STARD13: variants seen among roughly 807,000 people sequenced by gnomAD.
STARD13 encodes stAR-related lipid transfer protein 13.
STARD13 carries 62 observed loss-of-function variants against 106.4 expected under a neutral mutation model. The ratio of observed to expected loss-of-function variants is 0.58; its 90% confidence interval spans 0.48 to 0.72. STARD13 has a LOEUF of 0.72. Among genes scored for constraint, STARD13 ranks in the 30% least tolerant of loss-of-function variants. The pLI is 0.00. For missense variants in STARD13, 1,387 were observed against 1,424.0 expected, an observed-to-expected ratio of 0.97 and a Z score of 0.42; for synonymous variants, 565 against 553.0, an observed-to-expected ratio of 1.02 and a Z score of -0.31.
the STARD13 span, among the ~76,000 whole-genome samples, chr13:33,610,245 G>A: frequency 6.6e-6 from 1 of 152,078 alleles, no homozygotes; most frequent in Non-Finnish European, 1.5e-5. Context: ...AATTTAAGGA[G>A]GTTCACTCTG....
At chr13:33,362,344 T>C in the STARD13 span, among the ~76,000 whole-genome samples, 6 of 152,168 alleles carry the variant, frequency 3.9e-5, no homozygotes, top group Non-Finnish European at 7.3e-5. Context: ...AAACTATTCA[T>C]GAGTGATCCG....
At chr13:33,386,013 A>G in the STARD13 span, among the ~76,000 whole-genome samples, 1 of 152,272 alleles carries the variant, frequency 6.6e-6, no homozygotes, top group East Asian at 1.9e-4. Context: ...TCATCAATTC[A>G]TTATTTATTC....
intron 1 of STARD13, among the ~76,000 whole-genome samples, chr13:33,310,805 C>T (rs958772920): frequency 3.3e-5 from 5 of 151,930 alleles, no homozygotes; most frequent in Admixed American, 6.6e-5. Flanking sequence ...CATCATTGTG[C>T]GAGCATCACA....
At chr13:33,199,741 C>G (rs999691894) in intron 1 of STARD13, among the ~76,000 whole-genome samples, 1 of 152,094 alleles carries the variant, frequency 6.6e-6, no homozygotes, top group African/African-American at 2.4e-5. Context: ...ATCAGGATGC[C>G]TCAGTGTTAC....
chr13:33,280,702 A>G (rs1891732397), intron 1 of STARD13: 2 of 152,340 alleles, frequency 1.3e-5, no homozygotes, highest in South Asian at 2.1e-4. Flanking sequence ...GGTTTCAAGG[A>G]AGCATGTCCA....
At chr13:33,264,665 AAAG>A (rs2138336971) in intron 1 of STARD13, among the ~76,000 whole-genome samples, 1 of 152,336 alleles carries the variant, frequency 6.6e-6, no homozygotes, top group African/African-American at 2.4e-5. Context: ...GGGAGCCTTC[AAAG>A]AAGAAGGCTC....
the STARD13 span, among the ~76,000 whole-genome samples, chr13:33,464,884 G>A: frequency 6.6e-6 from 1 of 152,230 alleles, no homozygotes; most frequent in South Asian, 2.1e-4. Context: ...TACCACATGA[G>A]GAGGTGTAGT....
chr13:33,557,564 G>A, the STARD13 span, among the ~76,000 whole-genome samples: 3 of 152,102 alleles, frequency 2.0e-5, no homozygotes, highest in Non-Finnish European at 4.4e-5. Context: ...TTTCCTGCAG[G>A]ACAGTAATTG....
the STARD13 span, among the ~76,000 whole-genome samples, chr13:33,472,387 G>C: frequency 6.6e-6 from 1 of 151,712 alleles, no homozygotes; most frequent in South Asian, 2.1e-4. Flanking sequence ...CATATACTGG[G>C]GTTTCTCAGT....
chr13:33,495,996 A>G, the STARD13 span, among the ~76,000 whole-genome samples: 30 of 141,882 alleles, frequency 2.1e-4, no homozygotes, highest in African/African-American at 6.6e-4. Flanking sequence ...TAGTGAATAT[A>G]AATTATTATA....
chr13:33,564,436 TGGTG>T, the STARD13 span, among the ~76,000 whole-genome samples: 1 of 145,726 alleles, frequency 6.9e-6, no homozygotes, highest in Non-Finnish European at 1.5e-5. Context: ...TATGTACTCT[TGGTG>T]GGAATGTAAA....
chr13:33,397,191 C>T, the STARD13 span, among the ~76,000 whole-genome samples: 8 of 152,258 alleles, frequency 5.3e-5, no homozygotes, highest in East Asian at 3.9e-4. Context: ...CATTTCCAGA[C>T]GACTTATAAA....
chr13:33,185,779 G>T, intron 1 of STARD13: 2 of 1,189,004 alleles, frequency 1.7e-6, no homozygotes, highest in South Asian at 1.4e-5. Context: ...TGTCCTTCCA[G>T]ACCACCTGAC....
intron 1 of STARD13, among the ~76,000 whole-genome samples, chr13:33,343,404 A>T (rs2077982043): frequency 6.6e-6 from 1 of 150,850 alleles, no homozygotes; most frequent in Non-Finnish European, 1.5e-5. Flanking sequence ...ACATGAAGAA[A>T]CCCCATCTCT....
At chr13:33,483,984 G>A in the STARD13 span, among the ~76,000 whole-genome samples, 7 of 152,164 alleles carry the variant, frequency 4.6e-5, no homozygotes, top group Admixed American at 2.0e-4. Context: ...TATATAAAGT[G>A]TAAAAATTAT....
rs113920945 is a variant in STARD13 at position 33,272,324 on chromosome 13, G to A, written c.169+13146C>T. On this transcript the variant is annotated intron_variant, in intron 1 of 13. Coordinates refer to ENST00000336934, the MANE Select transcript of STARD13 (RefSeq NM_178006.4). ...AATGGGCATTTCCTTTCAGTGTCAC[G>A]TCAGTGCTCAAGAAGTTTCAGATTC... 1.6e-3 allele frequency among the ~76,000 whole-genome samples: 244 copies of A among 152,242 alleles called. 2 individuals carry two copies. Among genetic ancestry groups the A allele is most frequent in the African/African-American group, 5.5e-3 (229 of 41,544 alleles).
chr13:33,476,264 T>G, the STARD13 span, among the ~76,000 whole-genome samples: 1 of 152,202 alleles, frequency 6.6e-6, no homozygotes, highest in African/African-American at 2.4e-5. Flanking sequence ...TTAGTGATCT[T>G]TGATCCCAAA....
chr13:33,459,556 T>C, the STARD13 span, among the ~76,000 whole-genome samples: 1 of 152,228 alleles, frequency 6.6e-6, no homozygotes, highest in Non-Finnish European at 1.5e-5. Context: ...AAAAAGCTTC[T>C]ATGAACATTT....
chr13:33,120,225 A>T (rs536985500), intron 7 of STARD13, among the ~76,000 whole-genome samples: 1 of 152,382 alleles, frequency 6.6e-6, no homozygotes, highest in South Asian at 2.1e-4. Context: ...AGAATAAAGC[A>T]GACAGTGTTT....
Sources: allele counts gnomAD v4.1 joint callset (sites outside exome capture counted in the v4.1 genomes callset), GRCh38; gene constraint gnomAD v4.1.1; transcripts MANE v1.5; gene names NCBI Gene and HGNC (gene_info 2026-07-23, HGNC 2026-07-21).